MEGF6: variants seen among roughly 807,000 people sequenced by gnomAD.
MEGF6 encodes the protein multiple epidermal growth factor-like domains protein 6.
MEGF6 carries 184 observed loss-of-function variants against 207.1 expected under a neutral mutation model. The ratio of observed to expected loss-of-function variants is 0.89; its 90% CI spans 0.79 to 1.00. MEGF6 has a LOEUF of 1.00. Among genes scored for constraint, MEGF6 ranks in the 50% least tolerant of loss-of-function variants. MEGF6 has a pLI of 0.00. For synonymous variants in MEGF6, 1,038 were observed against 910.0 expected (o/e 1.14, Z -2.53); for missense variants, 2,282 against 2,202.9 (o/e 1.04, Z -0.72).
chr1:3,588,614 C>T (rs1570208220), intron 3 of MEGF6, among the ~76,000 whole-genome samples: 1 of 152,006 alleles, frequency 6.6e-6, no homozygotes, highest in Admixed American at 6.5e-5. Context: ...GAAGCGTCCT[C>T]CCTGGGCCGT....
At chr1:3,558,087 G>T (rs192543955) in intron 4 of MEGF6, among the ~76,000 whole-genome samples, 1 of 152,296 alleles carries the variant, frequency 6.6e-6, no homozygotes, top group Admixed American at 6.5e-5. Context: ...GATGTGCTAA[G>T]TTCAGAGTCT....
chr1:3,605,275 C>T (rs1330209761), intron 1 of MEGF6, among the ~76,000 whole-genome samples: 3 of 151,972 alleles, frequency 2.0e-5, no homozygotes, highest in African/African-American at 7.3e-5. Flanking sequence ...CTCTCACACC[C>T]ACACAATCAC....
intron 9 of MEGF6, 42 bp from the exon 10 acceptor site, chr1:3,510,944 G>A (rs1303484265): frequency 1.3e-6 from 2 of 1,571,922 alleles, no homozygotes; most frequent in Non-Finnish European, 1.7e-6. Flanking sequence ...CCAGGCACCT[G>A]CACGTGCACA....
intron 21 of MEGF6, among the ~76,000 whole-genome samples, chr1:3,500,309 C>A (rs909673831): frequency 9.9e-5 from 15 of 152,246 alleles, no homozygotes; most frequent in African/African-American, 3.6e-4. Flanking sequence ...CAGACCCTGC[C>A]CCCTCCTGCT....
chr1:3,512,173 G>A (rs775822516), intron 7 of MEGF6, 45 bp from the exon 8 acceptor site: 2 of 1,560,342 alleles, frequency 1.3e-6, no homozygotes, highest in Non-Finnish European at 1.7e-6. Context: ...TGCCAGGAAG[G>A]GCCTTTGCAT....
intron 4 of MEGF6, among the ~76,000 whole-genome samples, chr1:3,551,728 T>TGGGGGAGCTGGATG (rs760393768): frequency 1.3e-5 from 2 of 151,868 alleles, no homozygotes; most frequent in African/African-American, 4.8e-5. Flanking sequence ...GAGCCCGAGA[T>TGGGGGAGCTGGATG]GGGGGAGCTG....
chr1:3,519,385 C>T (rs538833377), intron 5 of MEGF6, among the ~76,000 whole-genome samples: 25 of 152,364 alleles, frequency 1.6e-4, no homozygotes, highest in African/African-American at 5.3e-4. Context: ...GGAGGCCAGA[C>T]GGCGGGGGCC....
At chr1:3,524,083 T>C (rs2794322) in intron 5 of MEGF6, 41 bp downstream of exon 5, 1,529,586 of 1,594,854 alleles carry the variant, frequency 0.96, 733,854 homozygotes, top group Non-Finnish European at 0.97. Flanking sequence ...TAGGGATGGC[T>C]GAAGCCAGGA....
chr1:3,512,697 C>G (rs1402720412), intron 7 of MEGF6, among the ~76,000 whole-genome samples: 1 of 152,250 alleles, frequency 6.6e-6, no homozygotes, highest in Non-Finnish European at 1.5e-5. Flanking sequence ...TCCTCCTGGC[C>G]TCCCGCCATG....
chr1:3,493,727 G>A (rs2100834726), intron 34 of MEGF6, 44 bp downstream of exon 34: 10 of 1,596,646 alleles, frequency 6.3e-6, no homozygotes, highest in African/African-American at 1.3e-5. Context: ...GTCACTGATG[G>A]AGACCCACAC....
chr1:3,511,821 C>G, intron 8 of MEGF6, 134 bp from the exon 9 acceptor site: 1 of 1,455,238 alleles, frequency 6.9e-7, no homozygotes, highest in Non-Finnish European at 9.2e-7. Context: ...ACATGGAGCT[C>G]CCAGGCCTTG....
At chr1:3,596,157 G>C (rs1644061727) in intron 2 of MEGF6, among the ~76,000 whole-genome samples, 1 of 152,080 alleles carries the variant, frequency 6.6e-6, no homozygotes, top group East Asian at 1.9e-4. Context: ...GGGCTTCCCG[G>C]AGGCAGTGTG....
intron 2 of MEGF6, among the ~76,000 whole-genome samples, chr1:3,601,268 C>A (rs1298764635): frequency 6.6e-6 from 1 of 152,252 alleles, no homozygotes; most frequent in Admixed American, 6.5e-5. Context: ...GCTCTTCCAC[C>A]ACGAGCTGTT....
At chr1:3,502,125 G>A (rs564084482) in intron 17 of MEGF6, among the ~76,000 whole-genome samples, 41 of 1,572 alleles carry the variant, frequency 0.026, no homozygotes, top group Admixed American at 0.2. Flanking sequence ...TCTAGCCCCC[G>A]GGGGTGGGGC....
chr1:3,617,807 G>GGA, the MEGF6 span, among the ~76,000 whole-genome samples: 12 of 152,338 alleles, frequency 7.9e-5, no homozygotes, highest in South Asian at 2.1e-4. Flanking sequence ...AGAGCCACAG[G>GGA]GAGAGCGCAG....
chr1:3,514,666 C>A lies in MEGF6; in HGVS notation c.737G>T (p.Ser246Ile). ...QEDGRHCVRR[S>I]PCANRNGSCM... ...GCTGCCGTTCCTGTTGGCACACGGG[C>A]TTCTACCTGCAGCCACGGGCCCGAG... Residue 246 changes from serine (S) to isoleucine (I), a missense_variant, in exon 7 of 37, where the codon AGC (serine) becomes ATC (isoleucine). Physicochemically the swap from Ser to Ile is moderately radical, Grantham distance 142 (BLOSUM62 -2). Coordinates refer to ENST00000356575, the MANE Select transcript of MEGF6 (RefSeq NM_001409.4). The A allele has an allele frequency of 6.3e-7, 1 of 1,577,918 alleles. No individual in the cohort carries two copies. Among genetic ancestry groups the A allele is most frequent in the South Asian group, 1.1e-5 (1 of 87,448 alleles).
At chr1:3,512,160 A>G in intron 7 of MEGF6, 32 bp from the exon 8 acceptor site, 1 of 1,572,950 alleles carries the variant, frequency 6.4e-7, no homozygotes, top group Non-Finnish European at 8.7e-7. Context: ...GAGGGCTCAG[A>G]GGTGCCAGGA....
At position 3,592,783 on chromosome 1, in the gene MEGF6, C is replaced by T. The variant is rs543810011; in HGVS notation, c.376+2555G>A. Among the ~76,000 whole-genome samples the T allele has an allele frequency of 2.6e-5, 4 of 152,154 alleles. No homozygotes were observed. In the South Asian group the frequency reaches 8.3e-4, roughly 32 times the overall value. On this transcript the variant is annotated intron_variant, in intron 3 of 36. Transcript: ENST00000356575. ...GCCAGAGAAGGAGATCACAGGGATT[C>T]CCCGGACCATGAAAACAAGCAAAAG...
rs187480478 is a variant in MEGF6, at chr1:3,547,332, C to T, written c.482-23086G>A. ...CTGCAGAACGGGTCCCTCCCTCGCT[C>T]CCAGGGAAGGTGGCCTCTCCCCGGG... On this transcript the variant is annotated intron_variant, in intron 4 of 36. Transcript: ENST00000356575. Among the ~76,000 whole-genome samples the T allele has an allele frequency of 2.0e-5, 3 of 152,278 alleles. No homozygotes were observed. In the East Asian group the frequency reaches 5.8e-4, roughly 29 times the overall value.
Sources: allele counts gnomAD v4.1 joint callset (sites outside exome capture counted in the v4.1 genomes callset), GRCh38; gene constraint gnomAD v4.1.1; transcripts MANE v1.5; gene names NCBI Gene and HGNC (gene_info 2026-07-23, HGNC 2026-07-21).